CAMSAP2: variants seen among roughly 807,000 people sequenced by gnomAD.
The protein encoded by CAMSAP2 is calmodulin regulated spectrin associated protein family member 2, also known as calmodulin-regulated spectrin-associated protein 2.
In CAMSAP2, 26 loss-of-function variants were observed where a neutral mutation model predicts 146.1. The ratio of observed to expected loss-of-function variants is 0.18; its 90% CI spans 0.13 to 0.25. CAMSAP2 has a LOEUF of 0.25. Ranked by LOEUF, CAMSAP2 falls within the 10% of genes least tolerant of loss-of-function variation. The probability of loss-of-function intolerance (pLI) is 1.00; values close to 1 mark genes in which losing one functional copy is unlikely to be tolerated. For synonymous variants in CAMSAP2, 499 were observed against 596.6 expected, an observed-to-expected ratio of 0.84 and a Z score of 2.38; for missense variants, 1,381 against 1,759.3, an observed-to-expected ratio of 0.78 and a Z score of 3.85.
At chr1:200,840,427 G>A (rs1048964161) in intron 6 of CAMSAP2, among the ~76,000 whole-genome samples, 2 of 152,028 alleles carry the variant, frequency 1.3e-5, no homozygotes, top group Non-Finnish European at 2.9e-5. Context: ...GTGCCACCAT[G>A]CATAGCTAAT....
chr1:200,844,794 A>C lies in CAMSAP2; in HGVS notation c.1034A>C (p.Lys345Thr). ...TCTTTTATTCCAGCTGAACCTGTAAAAGATATGCCTTCAATTCCTGTCTTG... is the reference window on the plus strand; with the variant it reads ...TCTTTTATTCCAGCTGAACCTGTAACAGATATGCCTTCAATTCCTGTCTTG... The part of the protein sequence containing the change: ...VVRPQGAEPV[K>T]DMPSIPVLNA... Residue 345 changes from lysine (K) to threonine (T), a missense_variant, in exon 8 of 17, where the codon AAA becomes ACA. Physicochemically the swap from Lys to Thr is moderately conservative, Grantham distance 78. Around this residue, in one of 4 missense-constraint regions of CAMSAP2, gnomAD observed 447 missense variants for 462.2 expected, o/e 0.97. Transcript: ENST00000358823. 1.9e-6 allele frequency: 3 copies of C among 1,585,046 alleles called. No individual in the cohort carries two copies. The highest frequency in any genetic ancestry group is 2.3e-5 in the East Asian group (1 of 43,500).
At chr1:200,839,507 T>C (rs969749276) in intron 6 of CAMSAP2, among the ~76,000 whole-genome samples, 19 of 152,028 alleles carry the variant, frequency 1.2e-4, no homozygotes, top group South Asian at 2.1e-4. Flanking sequence ...AGGATACATA[T>C]GTAGGAGAGA....
intron 1 of CAMSAP2, among the ~76,000 whole-genome samples, chr1:200,749,121 C>T (rs1369062406): frequency 6.6e-6 from 1 of 152,170 alleles, no homozygotes; most frequent in Non-Finnish European, 1.5e-5. Flanking sequence ...GGAGGAAGGA[C>T]CACACTCCCT....
intron 6 of CAMSAP2, among the ~76,000 whole-genome samples, chr1:200,833,936 C>T (rs541944898): frequency 5.3e-5 from 8 of 152,178 alleles, no homozygotes; most frequent in African/African-American, 1.4e-4. Context: ...AAATTTGTCA[C>T]GTTTATTGTC....
intron 4 of CAMSAP2, among the ~76,000 whole-genome samples, chr1:200,820,242 T>C (rs1558193782): frequency 6.6e-6 from 1 of 152,078 alleles, no homozygotes; most frequent in East Asian, 1.9e-4. Flanking sequence ...TTGTGTATTT[T>C]TAGTGGAGAT....
intron 15 of CAMSAP2, among the ~76,000 whole-genome samples, chr1:200,856,878 C>T (rs1348167632): frequency 6.6e-6 from 1 of 152,164 alleles, no homozygotes; most frequent in African/African-American, 2.4e-5. Flanking sequence ...TGGGATTTGA[C>T]AGTATTTCCA....
chr1:200,772,403 G>A (rs561629478), intron 2 of CAMSAP2, among the ~76,000 whole-genome samples: 1 of 152,272 alleles, frequency 6.6e-6, no homozygotes, highest in Non-Finnish European at 1.5e-5. Flanking sequence ...GAGGCCAAGA[G>A]TTTGAGACCA....
intron 1 of CAMSAP2, among the ~76,000 whole-genome samples, chr1:200,744,405 C>T (rs558657342): frequency 1.8e-4 from 27 of 152,266 alleles, no homozygotes; most frequent in African/African-American, 6.3e-4. Context: ...GACTGACAGG[C>T]TGAATTGAGA....
At chr1:200,778,302 T>C (rs1385715108) in intron 2 of CAMSAP2, among the ~76,000 whole-genome samples, 1 of 152,008 alleles carries the variant, frequency 6.6e-6, no homozygotes, top group Non-Finnish European at 1.5e-5. Context: ...GTGGTGGAGG[T>C]TCTTTGTTTT....
At chr1:200,826,358 G>C (rs1321368087) in intron 4 of CAMSAP2, among the ~76,000 whole-genome samples, 1 of 151,926 alleles carries the variant, frequency 6.6e-6, no homozygotes, top group African/African-American at 2.4e-5. Flanking sequence ...CTTGAACCTG[G>C]GAGGCAGAGG....
intron 4 of CAMSAP2, among the ~76,000 whole-genome samples, chr1:200,827,873 A>G (rs1302194291): frequency 6.6e-6 from 1 of 152,168 alleles, no homozygotes; most frequent in African/African-American, 2.4e-5. Context: ...ATCTGAAATT[A>G]TGGGTTTATT....
At chr1:200,841,130 A>G (rs1258194169) in intron 6 of CAMSAP2, among the ~76,000 whole-genome samples, 1 of 152,226 alleles carries the variant, frequency 6.6e-6, no homozygotes, top group Non-Finnish European at 1.5e-5. Context: ...AGATACATTC[A>G]TTGTATAAAT....
intron 2 of CAMSAP2, among the ~76,000 whole-genome samples, chr1:200,806,052 A>C (rs535520539): frequency 6.6e-6 from 1 of 152,178 alleles, no homozygotes; most frequent in African/African-American, 2.4e-5. Context: ...GACCTTTATA[A>C]ACATGTTATC....
intron 1 of CAMSAP2, among the ~76,000 whole-genome samples, chr1:200,756,544 A>G (rs895497046): frequency 6.6e-6 from 1 of 152,216 alleles, no homozygotes; most frequent in African/African-American, 2.4e-5. Context: ...TACTTTCTCA[A>G]AGCCCAAATT....
chr1:200,798,917 T>A (rs1665960457), intron 2 of CAMSAP2, among the ~76,000 whole-genome samples: 1 of 151,672 alleles, frequency 6.6e-6, no homozygotes, highest in Non-Finnish European at 1.5e-5. Context: ...CTGCATCTAT[T>A]GAGATAATCA....
chr1:200,832,554 G>A lies in CAMSAP2; in HGVS notation c.788-152G>A, dbSNP rs1395824287. 5.0e-5 allele frequency: 36 copies of A among 720,118 alleles called. 1 individual carries two copies. The highest frequency in any genetic ancestry group is 2.6e-5 in the Non-Finnish European group (13 of 490,892). The allele number at this position is 720,118 out of a possible 1,614,324, so 44.6% of individuals were successfully genotyped here. ...GGTAGTTCAAAAAAAAATAGTGCTC[G>A]GTTTCTAAGTCTTAATGTATAATGA... On this transcript the variant is annotated intron_variant, in intron 5 of 16. Transcript: ENST00000358823. The surrounding 1 kb of genome is among the most constrained non-coding windows in gnomAD (Gnocchi z 4.2).
At chr1:200,827,661 T>C (rs1666937923) in intron 4 of CAMSAP2, among the ~76,000 whole-genome samples, 1 of 111,844 alleles carries the variant, frequency 8.9e-6, no homozygotes. Context: ...TTAAAGTTCT[T>C]GAAAATACCT....
intron 9 of CAMSAP2, 133 bp from the exon 10 acceptor site, chr1:200,847,507 C>G: frequency 1.3e-6 from 1 of 789,786 alleles, no homozygotes; most frequent in South Asian, 1.6e-5. Flanking sequence ...ATAAAATTAT[C>G]TCTAATTCTC....
intron 6 of CAMSAP2, among the ~76,000 whole-genome samples, chr1:200,833,882 TCA>T (rs1244939960): frequency 1.3e-5 from 2 of 152,196 alleles, no homozygotes; most frequent in Non-Finnish European, 2.9e-5. Context: ...TTGTTTATTC[TCA>T]CTAGATTATA....
Sources: allele counts gnomAD v4.1 joint callset (sites outside exome capture counted in the v4.1 genomes callset), GRCh38; gene constraint gnomAD v4.1.1; regional missense constraint gnomAD v4.1.1; non-coding constraint Gnocchi (gnomAD v3.1); transcripts MANE v1.5; gene names NCBI Gene and HGNC (gene_info 2026-07-23, HGNC 2026-07-21).